Variants in LRRC4C observed in about 807,000 individuals in gnomAD.
LRRC4C encodes leucine rich repeat containing 4C, also known as leucine-rich repeat-containing protein 4C.
A neutral mutation model predicts 33.6 loss-of-function variants in LRRC4C; 5 were observed. The ratio of observed to expected loss-of-function variants is 0.15; its 90% CI spans 0.08 to 0.31. LRRC4C has a LOEUF of 0.31. LRRC4C is among the 10% of genes least tolerant of loss of function. The pLI, the probability that LRRC4C is intolerant of heterozygous loss-of-function variation, is 1.00. For synonymous variants in LRRC4C, 329 were observed against 302.0 expected (o/e 1.09, Z -0.93); for missense variants, 560 against 796.7 (o/e 0.70, Z 3.58).
chr11:41,217,766 T>C, intron 1 of LRRC4C, among the ~76,000 whole-genome samples: 1 of 152,128 alleles, frequency 6.6e-6, no homozygotes, highest in East Asian at 1.9e-4. Context: ...CTGTGATGAA[T>C]ATGTTAAAGA....
intron 3 of LRRC4C, among the ~76,000 whole-genome samples, chr11:40,378,625 A>G (rs555489720): frequency 6.6e-5 from 10 of 152,196 alleles, no homozygotes; most frequent in African/African-American, 2.4e-4. Context: ...TGAATGCATC[A>G]TGATATGTAT....
chr11:40,659,262 C>A (rs1223675100), intron 2 of LRRC4C, among the ~76,000 whole-genome samples: 1 of 152,222 alleles, frequency 6.6e-6, no homozygotes, highest in African/African-American at 2.4e-5. Flanking sequence ...TTGGTCCTCT[C>A]TGGACTTTGG....
chr11:41,425,288 G>C (rs1054901293), intron 1 of LRRC4C, among the ~76,000 whole-genome samples: 1 of 151,996 alleles, frequency 6.6e-6, no homozygotes, highest in South Asian at 2.1e-4. Flanking sequence ...TTCCCAGAGA[G>C]GTGTGAAGGG....
At chr11:41,245,123 A>T (rs942925742) in intron 1 of LRRC4C, among the ~76,000 whole-genome samples, 1 of 152,204 alleles carries the variant, frequency 6.6e-6, no homozygotes, top group African/African-American at 2.4e-5. Context: ...ATAAGAATAA[A>T]ATTAATATTC....
intron 1 of LRRC4C, among the ~76,000 whole-genome samples, chr11:41,318,321 G>A (rs1178453983): frequency 1.3e-5 from 2 of 152,120 alleles, no homozygotes; most frequent in East Asian, 3.8e-4. Flanking sequence ...CAATGTAAAA[G>A]TTATCATTTT....
At chr11:41,232,224 T>C (rs1041038204) in intron 1 of LRRC4C, among the ~76,000 whole-genome samples, 6 of 152,096 alleles carry the variant, frequency 3.9e-5, no homozygotes, top group South Asian at 2.1e-4. Flanking sequence ...CTTAATTCCA[T>C]TGATACAAAA....
intron 3 of LRRC4C, among the ~76,000 whole-genome samples, chr11:40,443,478 T>G (rs1459696416): frequency 6.6e-6 from 1 of 152,180 alleles, no homozygotes; most frequent in Non-Finnish European, 1.5e-5. Context: ...TATTTGCATA[T>G]CATCAGGTGA....
chr11:41,229,690 T>G (rs1013199900), intron 1 of LRRC4C, among the ~76,000 whole-genome samples: 15 of 152,124 alleles, frequency 9.9e-5, no homozygotes, highest in South Asian at 2.1e-4. Context: ...ATCAAAGCCA[T>G]AGCAGAATGA....
chr11:41,159,043 C>T (rs979495779), intron 1 of LRRC4C, among the ~76,000 whole-genome samples: 4 of 151,882 alleles, frequency 2.6e-5, no homozygotes, highest in Admixed American at 2.0e-4. Flanking sequence ...CCAGTACTTT[C>T]GGAGGCTGAG....
At chr11:40,447,992 T>C (rs1325203150) in intron 3 of LRRC4C, among the ~76,000 whole-genome samples, 2 of 152,140 alleles carry the variant, frequency 1.3e-5, no homozygotes, top group Admixed American at 1.3e-4. Flanking sequence ...AATTTTTGTA[T>C]TTTTAGTAGA....
At chr11:40,586,154 A>T (rs939713178) in intron 3 of LRRC4C, among the ~76,000 whole-genome samples, 5 of 151,534 alleles carry the variant, frequency 3.3e-5, no homozygotes, top group African/African-American at 1.2e-4. Flanking sequence ...TGACTTTTTA[A>T]TTATTGCCAT....
At chr11:40,630,222 A>G (rs1284031398) in intron 3 of LRRC4C, among the ~76,000 whole-genome samples, 1 of 152,124 alleles carries the variant, frequency 6.6e-6, no homozygotes, top group African/African-American at 2.4e-5. Flanking sequence ...GGACAGGTAC[A>G]AGAATCACAT....
Position 40,620,803 on chromosome 11 carries a change from C to T in LRRC4C, c.-270+27339G>A, listed in dbSNP as rs1375347435. Reference sequence around the variant, plus strand: ...TAATGTTTGCATGTAAGAATCCTAACGCTGAGTAACTTTTCATTGGTAGGG... The same window carrying T: ...TAATGTTTGCATGTAAGAATCCTAATGCTGAGTAACTTTTCATTGGTAGGG... On this transcript the variant is annotated intron_variant, in intron 3 of 6. Coordinates refer to ENST00000528697, the MANE Select transcript of LRRC4C (RefSeq NM_001258419.2). 3.3e-5 allele frequency among the ~76,000 whole-genome samples: 5 copies of T among 151,794 alleles called. No homozygotes were observed. In the East Asian group the frequency reaches 7.7e-4, roughly 24 times the overall value.
At chr11:41,415,968 A>G (rs894665367) in intron 1 of LRRC4C, among the ~76,000 whole-genome samples, 1 of 152,048 alleles carries the variant, frequency 6.6e-6, no homozygotes, top group Admixed American at 6.6e-5. Context: ...GAACTCTGCC[A>G]GGTTTCTCCT....
At chr11:40,283,396 C>G (rs1943613770) in intron 4 of LRRC4C, among the ~76,000 whole-genome samples, 1 of 151,712 alleles carries the variant, frequency 6.6e-6, no homozygotes, top group Non-Finnish European at 1.5e-5. Context: ...ATGATAACTG[C>G]CAGGTACATG....
chr11:40,979,537 A>G (rs573423681), intron 1 of LRRC4C, among the ~76,000 whole-genome samples: 1 of 152,170 alleles, frequency 6.6e-6, no homozygotes, highest in South Asian at 2.1e-4. Flanking sequence ...TGGATAATTA[A>G]TCACATCTAT....
At chr11:40,775,032 TAAA>T (rs1949925718) in intron 2 of LRRC4C, among the ~76,000 whole-genome samples, 1 of 151,890 alleles carries the variant, frequency 6.6e-6, no homozygotes, top group Admixed American at 6.6e-5. Context: ...TAAAAATAAA[TAAA>T]TAAATAAAAA....
At chr11:41,000,987 A>G (rs1479784077) in intron 1 of LRRC4C, among the ~76,000 whole-genome samples, 1 of 152,192 alleles carries the variant, frequency 6.6e-6, no homozygotes, top group Non-Finnish European at 1.5e-5. Flanking sequence ...ATTTAAATAT[A>G]TGCCATCAGT....
intron 2 of LRRC4C, among the ~76,000 whole-genome samples, chr11:40,925,183 C>T (rs1412071018): frequency 6.6e-6 from 1 of 151,770 alleles, no homozygotes; most frequent in Non-Finnish European, 1.5e-5. Context: ...TTCTTTGCTT[C>T]CCCTGTCAAT....
Sources: allele counts gnomAD v4.1 joint callset (sites outside exome capture counted in the v4.1 genomes callset), GRCh38; gene constraint gnomAD v4.1.1; transcripts MANE v1.5; gene names NCBI Gene and HGNC (gene_info 2026-07-23, HGNC 2026-07-21).